DMXL2: variants seen among roughly 807,000 people sequenced by gnomAD.
DMXL2 encodes Dmx like 2, also known as dmX-like protein 2.
A neutral mutation model predicts 331.1 loss-of-function variants in DMXL2; 103 were observed. The ratio of observed to expected loss-of-function variants is 0.31; its 90% CI spans 0.27 to 0.37. DMXL2 has a LOEUF of 0.37. DMXL2 is among the 10% of genes least tolerant of loss of function. The pLI, the probability that DMXL2 is intolerant of heterozygous loss-of-function variation, is 1.00. For synonymous variants in DMXL2, 1,281 were observed against 1,252.1 expected, an observed-to-expected ratio of 1.02 and a Z score of -0.49; for missense variants, 3,171 against 3,642.9, an observed-to-expected ratio of 0.87 and a Z score of 3.33.
Position 51,499,460 on chromosome 15 carries a change from A to G in DMXL2, c.3764T>C (p.Val1255Ala). 3 of 1,613,898 alleles carry G rather than the reference A, an allele frequency of 1.9e-6. No homozygotes were observed. The highest frequency in any genetic ancestry group is 2.5e-6 in the Non-Finnish European group (3 of 1,179,914). The change falls in exon 18 of 44, where the codon GTA becomes GCA. Residue 1255 changes from valine to alanine, a missense_variant. This residue lies in a region of DMXL2 where 1,674 missense variants were observed against 1,780.2 expected (regional missense o/e 0.94). Transcript: ENST00000560891. ...TPSLPVSLSW[V>A]RDGILVVGMD... ...TCCTACCACCAATATCCCATCTCTT[A>G]CCCAAGAGAGAGAAACAGGCAGTGA...
chr15:51,501,846 G>A (rs776316349), intron 17 of DMXL2, among the ~76,000 whole-genome samples: 3 of 151,280 alleles, frequency 2.0e-5, no homozygotes, highest in Non-Finnish European at 2.9e-5. Context: ...CATGAACCTG[G>A]GAGGCGAAGC....
At chr15:51,454,063 C>A in intron 40 of DMXL2, 1 of 173,538 alleles carries the variant, frequency 5.8e-6, no homozygotes, top group Non-Finnish European at 1.2e-5. Context: ...GTTTTTCTGT[C>A]TGGAATTATA....
chr15:51,565,827 T>G (rs1007186265), intron 3 of DMXL2, among the ~76,000 whole-genome samples: 1 of 152,252 alleles, frequency 6.6e-6, no homozygotes, highest in Non-Finnish European at 1.5e-5. Flanking sequence ...GTTAACGGCT[T>G]GGCAAATAAT....
intron 29 of DMXL2, among the ~76,000 whole-genome samples, chr15:51,470,955 G>A (rs369911043): frequency 1.3e-5 from 2 of 152,106 alleles, no homozygotes; most frequent in Non-Finnish European, 2.9e-5. Flanking sequence ...CCAGTCACTC[G>A]AAAAAGATGG....
In DMXL2 at chr15:51,488,203, C is replaced by T. The variant is rs1470047613; in HGVS notation, c.5052-84G>A. 7 of 1,240,484 alleles carry T rather than the reference C, an allele frequency of 5.6e-6. No individual in the cohort carries two copies. In the African/African-American group the frequency reaches 1.1e-4, roughly 19 times the overall value. The allele number at this position is 1,240,484 out of a possible 1,614,324, so 76.8% of individuals were successfully genotyped here. A position where few individuals can be genotyped will look rare whatever the true frequency, so the allele number is the denominator to read the frequency against. On this transcript the variant is annotated intron_variant, in intron 21 of 43. Coordinates refer to ENST00000560891, the MANE Select transcript of DMXL2 (RefSeq NM_001378457.1). ...GTATAATAATATAAAATAAAAACCT[C>T]AAACAGAAATCTAAAAGAAGAACAA...
intron 2 of DMXL2, among the ~76,000 whole-genome samples, chr15:51,569,210 T>C (rs990179624): frequency 2.0e-5 from 3 of 152,172 alleles, no homozygotes; most frequent in African/African-American, 7.2e-5. Flanking sequence ...CTCACTGCTA[T>C]CACAGCATCT....
At position 51,508,596 on chromosome 15, in the gene DMXL2, A is replaced by G. The variant is rs140789994; in HGVS notation, c.2645-1343T>C. Among the ~76,000 whole-genome samples the G allele has an allele frequency of 4.1e-4, 63 of 152,338 alleles. 1 individual carries two copies. The highest frequency in any genetic ancestry group is 1.4e-3 in the African/African-American group (57 of 41,574). ...TATATGAGTACTTCTCTGTATGTAT[A>G]TTATAGTTCATTAAAGAGTTTTCTT... On this transcript the variant is annotated intron_variant, in intron 15 of 43. Transcript: ENST00000560891.
chr15:51,500,650 A>G (rs1264522686), intron 17 of DMXL2, among the ~76,000 whole-genome samples: 1 of 152,212 alleles, frequency 6.6e-6, no homozygotes, highest in Non-Finnish European at 1.5e-5. Context: ...GAGCTTTACA[A>G]TTTGCCTTTC....
At chr15:51,480,295 T>C (rs945935377) in intron 24 of DMXL2, among the ~76,000 whole-genome samples, 156 bp from the exon 25 acceptor site, 11 of 152,214 alleles carry the variant, frequency 7.2e-5, no homozygotes, top group Non-Finnish European at 1.6e-4. Flanking sequence ...CCAGGTACTA[T>C]GCTAGATGTA....
At chr15:51,544,565 C>T (rs965461754) in intron 8 of DMXL2, among the ~76,000 whole-genome samples, 4 of 152,094 alleles carry the variant, frequency 2.6e-5, no homozygotes, top group African/African-American at 9.7e-5. Context: ...GCCTACTTCA[C>T]ATAAAACTTT....
At chr15:51,524,250 T>G (rs2047540157) in intron 13 of DMXL2, among the ~76,000 whole-genome samples, 1 of 152,164 alleles carries the variant, frequency 6.6e-6, no homozygotes, top group African/African-American at 2.4e-5. Flanking sequence ...AATCAAAACA[T>G]ATGAGGAAGT....
rs375897101 is a variant in DMXL2, at chr15:51,480,061, T to C, written c.6643A>G (p.Thr2215Ala). The C allele has an allele frequency of 2.5e-6, 4 of 1,603,012 alleles. No homozygotes were observed. Among genetic ancestry groups the C allele is most frequent in the South Asian group, 2.2e-5 (2 of 90,046 alleles). Residue 2215 changes from threonine (T) to alanine (A), a missense_variant, in exon 25 of 44, where the codon ACA becomes GCA. Transcript: ENST00000560891. ...LPLLSASIAS[T>A]KTVIANPVLY... is the part of the protein sequence containing the mutation. ...ACAGGATTAGCTATGACTGTTTTTGTTGACGCAATACTTGCTGAAAGCAGA... is the reference window on the plus strand; with the variant it reads ...ACAGGATTAGCTATGACTGTTTTTGCTGACGCAATACTTGCTGAAAGCAGA...
rs141376496 is a variant in DMXL2, at chr15:51,591,458, C to T, written c.88-15277G>A. On this transcript the variant is annotated intron_variant, in intron 1 of 43. Transcript: ENST00000560891. ...GAAGCTCCAACTGGGTGGAGCCCAC[C>T]TCAGTTCAAGGAGGCCTGCCTGCCT... Among the ~76,000 whole-genome samples, 1,057 of 152,288 alleles carry T rather than the reference C, an allele frequency of 6.9e-3. 19 individuals carry two copies. The highest frequency in any genetic ancestry group is 0.024 in the African/African-American group (1,014 of 41,564).
At chr15:51,620,833 C>T (rs1169882268) in intron 1 of DMXL2, among the ~76,000 whole-genome samples, 1 of 152,168 alleles carries the variant, frequency 6.6e-6, no homozygotes, top group Admixed American at 6.5e-5. Context: ...TACAGCATAA[C>T]CACACCTGCA....
chr15:51,475,254 G>C (rs1331015311), intron 27 of DMXL2, among the ~76,000 whole-genome samples: 1 of 152,156 alleles, frequency 6.6e-6, no homozygotes, highest in African/African-American at 2.4e-5. Context: ...CACTTTGGGA[G>C]GCCAAGACAG....
chr15:51,581,475 C>T (rs1446786887), intron 1 of DMXL2, among the ~76,000 whole-genome samples: 1 of 151,884 alleles, frequency 6.6e-6, no homozygotes, highest in Non-Finnish European at 1.5e-5. Flanking sequence ...ATTTAAGAGA[C>T]AAAAAAAGCA....
At chr15:51,524,981 G>C (rs1238928501) in intron 13 of DMXL2, among the ~76,000 whole-genome samples, 2 of 151,668 alleles carry the variant, frequency 1.3e-5, no homozygotes, top group African/African-American at 4.8e-5. Flanking sequence ...GGCTCCAAAG[G>C]AGACTCCTTC....
At chr15:51,528,662 T>C (rs557365865) in intron 13 of DMXL2, among the ~76,000 whole-genome samples, 5 of 152,198 alleles carry the variant, frequency 3.3e-5, no homozygotes, top group Admixed American at 1.3e-4. Flanking sequence ...TAGACCCCAA[T>C]AAAATCATAG....
intron 13 of DMXL2, among the ~76,000 whole-genome samples, chr15:51,517,427 A>G (rs1343426260): frequency 6.6e-6 from 1 of 152,252 alleles, no homozygotes; most frequent in East Asian, 1.9e-4. Context: ...GCAACCTTAA[A>G]GCCCAAGACA....
Sources: gnomAD v4.1 joint callset for allele counts (sites outside exome capture counted in the v4.1 genomes callset) on GRCh38, gnomAD v4.1.1 for gene constraint, gnomAD v4.1.1 regional missense constraint, MANE v1.5 for transcripts, NCBI Gene and HGNC (gene_info 2026-07-23, HGNC 2026-07-21) for gene names.